Variants in TRERF1 observed in about 807,000 individuals in gnomAD.
The protein encoded by TRERF1 is transcriptional regulating factor 1, also known as transcriptional-regulating factor 1.
A neutral mutation model predicts 122.9 loss-of-function variants in TRERF1; 27 were observed. The ratio of observed to expected loss-of-function variants is 0.22; its 90% CI spans 0.16 to 0.30. The LOEUF (loss-of-function observed/expected upper bound fraction) is 0.30. TRERF1 is among the 10% of genes least tolerant of loss of function. The pLI is 1.00. For synonymous variants in TRERF1, 636 were observed against 641.7 expected (o/e 0.99, Z 0.13); for missense variants, 1,248 against 1,560.3 (o/e 0.80, Z 3.37).
rs770921343 is a variant in TRERF1, at chr6:42,263,371, G to A, written c.1833C>T (p.Ser611=). The A allele has an allele frequency of 8.1e-6, 13 of 1,612,768 alleles. 1 individual carries two copies. In the Admixed American group the frequency reaches 8.4e-5, roughly 10 times the overall value. ...TCGAGCTGGCTGGCTTGTCTCTGGCGGAGGGGGCGGCAACGGTGCTGTTGG... is the reference window on the plus strand; with the variant it reads ...TCGAGCTGGCTGGCTTGTCTCTGGCAGAGGGGGCGGCAACGGTGCTGTTGG... The change falls in exon 8 of 18, where the codon TCC becomes TCT. Residue 611 remains serine, a synonymous_variant. Coordinates refer to ENST00000372922, the Ensembl canonical transcript of TRERF1. The surrounding 1 kb of genome is among the most constrained non-coding windows in gnomAD (Gnocchi z 5.6).
chr6:42,445,359 C>CAG (rs139729310), intron 2 of TRERF1, among the ~76,000 whole-genome samples: 2,152 of 141,802 alleles, frequency 0.015, 21 homozygotes, highest in East Asian at 0.03. Context: ...CACAGACACA[C>CAG]ACACACACAC....
chr6:42,301,801 TAG>T lies in TRERF1; in HGVS notation c.-370-1054_-370-1053del, dbSNP rs574380698. On this transcript the variant is annotated intron_variant, in intron 3 of 17. Transcript: ENST00000372922. ...CAGCTGAGTAGCAGCATTGCTATAGTAGAGACTTCCACATTGCACACCTTTCC... is the reference window on the plus strand; with the variant it reads ...CAGCTGAGTAGCAGCATTGCTATAGTAGACTTCCACATTGCACACCTTTCC... Among the ~76,000 whole-genome samples, 4 of 152,360 alleles carry T rather than the reference TAG, an allele frequency of 2.6e-5. No homozygotes were observed. The South Asian group carries it at 8.3e-4, about 32-fold the overall frequency.
intron 2 of TRERF1, among the ~76,000 whole-genome samples, chr6:42,436,742 G>A (rs1170030032): frequency 5.0e-5 from 7 of 140,418 alleles, no homozygotes; most frequent in African/African-American, 1.9e-4. Flanking sequence ...TTCCTCATCT[G>A]TGTCAGTATT....
rs1778382356 is a variant in TRERF1 at position 42,262,605 on chromosome 6, C to CAGAGAGAGAGAG, written c.1884+714_1884+715insCTCTCTCTCTCT. On this transcript the variant is annotated intron_variant, in intron 8 of 17. Coordinates refer to ENST00000372922, the Ensembl canonical transcript of TRERF1. ...AGAGAGAGAGAGAGAGAGAGACAGACAGACGGAAACCCTTCCCAGAGGCAA... is the reference window on the plus strand; with the variant it reads ...AGAGAGAGAGAGAGAGAGAGACAGACAGAGAGAGAGAGAGACGGAAACCCTTCCCAGAGGCAA... Among the ~76,000 whole-genome samples the CAGAGAGAGAGAG allele has an allele frequency of 1.5e-4, 9 of 59,416 alleles. 1 individual carries two copies. The highest frequency in any genetic ancestry group is 4.4e-4 in the African/African-American group (6 of 13,792). The allele number at this position is 59,416 out of a possible 152,430, so 39.0% of individuals were successfully genotyped here. A position where few individuals can be genotyped will look rare whatever the true frequency, so the allele number is the denominator to read the frequency against.
chr6:42,278,649 C>T (rs1310349888), intron 4 of TRERF1, among the ~76,000 whole-genome samples: 1 of 152,188 alleles, frequency 6.6e-6, no homozygotes, highest in Non-Finnish European at 1.5e-5. Flanking sequence ...TCCCCCATCA[C>T]CTGGTGGCGG....
chr6:42,376,519 T>C (rs1288381329), intron 2 of TRERF1, among the ~76,000 whole-genome samples: 2 of 149,882 alleles, frequency 1.3e-5, no homozygotes, highest in East Asian at 3.9e-4. Context: ...GAAACCTTCA[T>C]GACTTTTCGT....
At chr6:42,234,736 G>A (rs1290771991) in intron 16 of TRERF1, among the ~76,000 whole-genome samples, 2 of 152,140 alleles carry the variant, frequency 1.3e-5, no homozygotes, top group African/African-American at 2.4e-5. Context: ...AAACCAGCAC[G>A]CTTTTTCCAC....
At chr6:42,399,806 T>C (rs915533132) in intron 2 of TRERF1, among the ~76,000 whole-genome samples, 2 of 152,154 alleles carry the variant, frequency 1.3e-5, no homozygotes, top group African/African-American at 4.8e-5. Context: ...CTGAATGCTC[T>C]GGGAACAGAG....
intron 3 of TRERF1, among the ~76,000 whole-genome samples, chr6:42,311,453 G>A (rs1004313202): frequency 6.6e-6 from 1 of 152,046 alleles, no homozygotes; most frequent in African/African-American, 2.4e-5. Flanking sequence ...CAAGGCAGGA[G>A]GCCAGGCTGT....
At chr6:42,316,213 T>C (rs1483860662) in intron 3 of TRERF1, among the ~76,000 whole-genome samples, 1 of 152,130 alleles carries the variant, frequency 6.6e-6, no homozygotes, top group Non-Finnish European at 1.5e-5. Flanking sequence ...ACCCCAAGCA[T>C]GCACCTCCTC....
chr6:42,281,292 G>A (rs546287837), intron 4 of TRERF1, among the ~76,000 whole-genome samples: 1 of 152,158 alleles, frequency 6.6e-6, no homozygotes, highest in South Asian at 2.1e-4. Context: ...TGCAGGGAGA[G>A]TGTGAGGACC....
In TRERF1 at chr6:42,339,071, G is replaced by A. The variant is rs1024547171; in HGVS notation, c.-371+23926C>T. On this transcript the variant is annotated intron_variant, in intron 3 of 17. Transcript: ENST00000372922. The stretch of plus-strand genomic sequence containing the variant: ...AGGACTGACGAAAGCAGCAGCACTC[G>A]GCCGAAAAGCCAAAACACGAAGAAG... 6.6e-5 allele frequency among the ~76,000 whole-genome samples: 10 copies of A among 152,166 alleles called. No homozygotes were observed. The East Asian group carries it at 9.6e-4, about 15-fold the overall frequency.
chr6:42,433,526 G>A (rs1474991148), intron 2 of TRERF1, among the ~76,000 whole-genome samples: 2 of 152,090 alleles, frequency 1.3e-5, no homozygotes, highest in African/African-American at 4.8e-5. Flanking sequence ...AGGCCTTCTT[G>A]TACCATTGTA....
chr6:42,257,048 G>C, exon 11 of TRERF1: 1 of 1,614,236 alleles, frequency 6.2e-7, no homozygotes, highest in Non-Finnish European at 8.5e-7. Flanking sequence ...CCAGGGCAGA[G>C]ATATCTTGGA....
chr6:42,249,886 T>C (rs1473467758), intron 13 of TRERF1, among the ~76,000 whole-genome samples: 1 of 152,150 alleles, frequency 6.6e-6, no homozygotes, highest in East Asian at 1.9e-4. Context: ...ACACTAGAGG[T>C]GGCTTCCTGA....
intron 3 of TRERF1, among the ~76,000 whole-genome samples, chr6:42,359,093 T>C (rs1771194862): frequency 6.6e-6 from 1 of 152,194 alleles, no homozygotes; most frequent in South Asian, 2.1e-4. Flanking sequence ...TCCTCCTGGT[T>C]CTGGAACAGG....
intron 13 of TRERF1, among the ~76,000 whole-genome samples, chr6:42,249,803 G>T (rs1269723976): frequency 1.3e-5 from 2 of 152,172 alleles, no homozygotes; most frequent in Non-Finnish European, 2.9e-5. Context: ...GTGTGTGCAT[G>T]TGTTAGTGTC....
intron 2 of TRERF1, among the ~76,000 whole-genome samples, chr6:42,433,503 T>A (rs897369158): frequency 1.3e-5 from 2 of 151,874 alleles, no homozygotes; most frequent in Non-Finnish European, 2.9e-5. Context: ...AACTCTGAAA[T>A]CAGGGCCTAC....
chr6:42,245,845 C>T (rs879795535), intron 14 of TRERF1, among the ~76,000 whole-genome samples: 19 of 152,202 alleles, frequency 1.2e-4, no homozygotes, highest in African/African-American at 2.4e-4. Context: ...TGCCGGCTCA[C>T]GCCGGTAATC....
Sources: gnomAD v4.1 joint callset for allele counts (sites outside exome capture counted in the v4.1 genomes callset) on GRCh38, gnomAD v4.1.1 for gene constraint, Gnocchi (gnomAD v3.1) non-coding constraint, MANE v1.5 for transcripts, NCBI Gene and HGNC (gene_info 2026-07-23, HGNC 2026-07-21) for gene names.